ATP8A2: variants seen among roughly 807,000 people sequenced by gnomAD.
ATP8A2 encodes the protein phospholipid-transporting ATPase IB.
In ATP8A2, 100 loss-of-function variants were observed where a neutral mutation model predicts 165.6. The ratio of observed to expected loss-of-function variants is 0.60; its 90% confidence interval spans 0.51 to 0.71. ATP8A2 has a LOEUF of 0.71. ATP8A2 is among the 30% of genes least tolerant of loss of function. ATP8A2 has a pLI of 0.00. For synonymous variants in ATP8A2, 543 were observed against 548.8 expected, an observed-to-expected ratio of 0.99 and a Z score of 0.15; for missense variants, 1,227 against 1,479.5, an observed-to-expected ratio of 0.83 and a Z score of 2.80.
At chr13:25,597,037 G>C (rs2040254162) in intron 24 of ATP8A2, among the ~76,000 whole-genome samples, 1 of 151,546 alleles carries the variant, frequency 6.6e-6, no homozygotes, top group African/African-American at 2.4e-5. Context: ...TGTGCTTATT[G>C]GTCATTTAAA....
At chr13:25,748,486 T>C (rs9511911) in intron 25 of ATP8A2, among the ~76,000 whole-genome samples, 13,347 of 152,236 alleles carry the variant, frequency 0.088, 765 homozygotes, top group Middle Eastern at 0.14. Context: ...CATTAATCAA[T>C]GTAAGATATT....
At chr13:25,920,296 C>G (rs191298551) in intron 33 of ATP8A2, among the ~76,000 whole-genome samples, 6 of 152,246 alleles carry the variant, frequency 3.9e-5, no homozygotes, top group African/African-American at 1.2e-4. Flanking sequence ...CATACCTGCA[C>G]GTGTATGACC....
chr13:25,632,270 G>T (rs890432843), intron 24 of ATP8A2, among the ~76,000 whole-genome samples: 5 of 152,000 alleles, frequency 3.3e-5, no homozygotes, highest in African/African-American at 9.7e-5. Context: ...CACCACGTAG[G>T]CATGACTGAT....
intron 28 of ATP8A2, among the ~76,000 whole-genome samples, chr13:25,831,377 G>A (rs1951465645): frequency 6.6e-6 from 1 of 151,882 alleles, no homozygotes; most frequent in African/African-American, 2.4e-5. Flanking sequence ...ACCGCGCCCG[G>A]CTAATTTTTG....
At chr13:25,709,264 C>G (rs2043113028) in intron 25 of ATP8A2, among the ~76,000 whole-genome samples, 1 of 152,200 alleles carries the variant, frequency 6.6e-6, no homozygotes. Context: ...ACACACCAAT[C>G]ATTAAAGACC....
intron 25 of ATP8A2, among the ~76,000 whole-genome samples, chr13:25,748,671 T>A (rs187139198): frequency 6.6e-6 from 1 of 152,186 alleles, no homozygotes; most frequent in Admixed American, 6.5e-5. Flanking sequence ...AGCATGGGTT[T>A]AGATGTTTCT....
chr13:25,756,208 C>T (rs2044257543), intron 25 of ATP8A2, among the ~76,000 whole-genome samples: 1 of 152,134 alleles, frequency 6.6e-6, no homozygotes, highest in Non-Finnish European at 1.5e-5. Flanking sequence ...TTTCACCTTT[C>T]ATCCATCTTT....
chr13:25,859,859 T>C (rs1952293989), intron 30 of ATP8A2, among the ~76,000 whole-genome samples: 2 of 152,202 alleles, frequency 1.3e-5, no homozygotes, highest in African/African-American at 4.8e-5. Context: ...CGATGGCACT[T>C]AATAAAGATA....
Position 25,554,553 on chromosome 13 carries a change from G to C in ATP8A2, c.1186-438G>C, listed in dbSNP as rs894018300. Among the ~76,000 whole-genome samples the C allele has an allele frequency of 4.0e-5, 6 of 151,302 alleles. No individual in the cohort carries two copies. In the South Asian group the frequency reaches 1.3e-3, roughly 32 times the overall value. On this transcript the variant is annotated intron_variant, in intron 12 of 36. Transcript: ENST00000381655. ...TATGTGTGTGTGTGTGTGTGTGTGT[G>C]TGTGTGTGTGTGTATTTCTTTTTTA...
rs532722018 is a variant in ATP8A2 at position 25,868,962 on chromosome 13, G to A, written c.3183+6554G>A. ...CGGGCGCCTGTAGTCCCAGCTACTC[G>A]GAAGGCTGAGGCAGGTGAATGGCAT... On this transcript the variant is annotated intron_variant, in intron 33 of 36. Coordinates refer to ENST00000381655, the MANE Select transcript of ATP8A2 (RefSeq NM_016529.6). Among the ~76,000 whole-genome samples the A allele has an allele frequency of 8.6e-5, 13 of 151,258 alleles. No individual in the cohort carries two copies. The South Asian group carries it at 1.3e-3, about 15-fold the overall frequency.
chr13:25,519,460 C>T (rs1230092602), intron 2 of ATP8A2, among the ~76,000 whole-genome samples: 1 of 151,960 alleles, frequency 6.6e-6, no homozygotes, highest in Non-Finnish European at 1.5e-5. Flanking sequence ...TTAGTATCTC[C>T]GGGGGCTGGC....
intron 33 of ATP8A2, among the ~76,000 whole-genome samples, chr13:25,937,763 G>A (rs306403): frequency 0.056 from 8,338 of 149,392 alleles, 477 homozygotes; most frequent in African/African-American, 0.14. Context: ...GCAGGAGAAT[G>A]GCATGAACCC....
intron 19 of ATP8A2, among the ~76,000 whole-genome samples, chr13:25,575,445 A>AT (rs2039590689): frequency 6.6e-6 from 1 of 152,162 alleles, no homozygotes. Flanking sequence ...ACATATCTTA[A>AT]TTTTTTGTTT....
Position 25,861,398 on chromosome 13 carries a change from C to T in ATP8A2, c.3075+538C>T, listed in dbSNP as rs548361230. On this transcript the variant is annotated intron_variant, in intron 32 of 36. Coordinates refer to ENST00000381655, the MANE Select transcript of ATP8A2 (RefSeq NM_016529.6). ...TATTGTTCTTGATTAAAGAGTATTA[C>T]GTTTTACAGATGTCCCACCATTTAC... 3.9e-5 allele frequency among the ~76,000 whole-genome samples: 6 copies of T among 152,236 alleles called. No individual in the cohort carries two copies. In the East Asian group the frequency reaches 9.6e-4, roughly 24 times the overall value.
At chr13:25,687,130 A>G (rs73154506) in intron 24 of ATP8A2, among the ~76,000 whole-genome samples, 15,944 of 152,222 alleles carry the variant, frequency 0.1, 965 homozygotes, top group East Asian at 0.26. Flanking sequence ...CACAGCGGCC[A>G]TGAGCAGAGT....
intron 35 of ATP8A2, among the ~76,000 whole-genome samples, chr13:25,997,279 T>G (rs944632049): frequency 6.6e-6 from 1 of 152,242 alleles, no homozygotes; most frequent in Non-Finnish European, 1.5e-5. Context: ...TTGTGCCAGT[T>G]GCTCTGGCCT....
intron 1 of ATP8A2, among the ~76,000 whole-genome samples, chr13:25,450,595 G>A (rs1381289512): frequency 2.0e-5 from 3 of 151,924 alleles, no homozygotes; most frequent in African/African-American, 4.8e-5. Flanking sequence ...GCAGTGGTGT[G>A]ATCTCGGCTC....
At chr13:25,847,650 C>T (rs1163816324) in intron 30 of ATP8A2, among the ~76,000 whole-genome samples, 1 of 152,202 alleles carries the variant, frequency 6.6e-6, no homozygotes, top group Non-Finnish European at 1.5e-5. Flanking sequence ...AGTTATTTCT[C>T]ACCCATGTCC....
intron 24 of ATP8A2, among the ~76,000 whole-genome samples, chr13:25,680,621 C>A (rs941284552): frequency 9.2e-5 from 14 of 152,100 alleles, no homozygotes; most frequent in Non-Finnish European, 2.9e-5. Context: ...ATTTGGAGAA[C>A]AACATGGAGA....
Sources: gnomAD v4.1 joint callset for allele counts (sites outside exome capture counted in the v4.1 genomes callset) on GRCh38, gnomAD v4.1.1 for gene constraint, MANE v1.5 for transcripts, NCBI Gene and HGNC (gene_info 2026-07-23, HGNC 2026-07-21) for gene names.